The following ADRA1A variants were observed in gnomAD, a reference collection of about 807,000 sequenced individuals.
ADRA1A encodes the protein adrenoceptor alpha 1A.
In ADRA1A, 31 loss-of-function variants were observed where a neutral mutation model predicts 29.6. The ratio of observed to expected loss-of-function variants is 1.05; its 90% CI spans 0.79 to 1.41. ADRA1A has a LOEUF of 1.41. ADRA1A is among the 40% of genes most tolerant of loss of function. The probability of loss-of-function intolerance (pLI) is 0.00; values close to 1 mark genes in which losing one functional copy is unlikely to be tolerated. For missense variants in ADRA1A, 619 were observed against 601.1 expected (o/e 1.03, Z -0.31); for synonymous variants, 311 against 254.3 (o/e 1.22, Z -2.12).
intron 2 of ADRA1A, among the ~76,000 whole-genome samples, chr8:26,786,238 A>T (rs1011472985): frequency 9.0e-6 from 1 of 111,622 alleles, no homozygotes; most frequent in Non-Finnish European, 1.6e-5. Flanking sequence ...TTTTATTTTT[A>T]AATTTTTTTT....
intron 2 of ADRA1A, chr8:26,854,031 T>C (rs1812820857): frequency 6.6e-6 from 1 of 152,194 alleles, no homozygotes; most frequent in Admixed American, 6.5e-5. Context: ...TCTCTCTCTC[T>C]GCTGTCCACT....
At chr8:26,799,467 T>C (rs1275225882) in intron 2 of ADRA1A, among the ~76,000 whole-genome samples, 2 of 152,216 alleles carry the variant, frequency 1.3e-5, no homozygotes, top group African/African-American at 2.4e-5. Context: ...TCAGTTAAAC[T>C]ACAGCCAAAT....
At chr8:26,774,551 T>C (rs2130307972) in intron 2 of ADRA1A, among the ~76,000 whole-genome samples, 1 of 152,038 alleles carries the variant, frequency 6.6e-6, no homozygotes, top group Admixed American at 6.6e-5. Context: ...TGCCTGTAGT[T>C]CCAGTTACTC....
At chr8:26,790,344 A>G (rs1390729627) in intron 2 of ADRA1A, among the ~76,000 whole-genome samples, 4 of 152,304 alleles carry the variant, frequency 2.6e-5, no homozygotes, top group Non-Finnish European at 5.9e-5. Context: ...GTTAGGTGAA[A>G]TAAGCCAGGA....
Position 26,864,246 on chromosome 8 carries a change from G to C in ADRA1A, c.724C>G (p.Pro242Ala), listed in dbSNP as rs1368688997. 1.2e-6 allele frequency: 2 copies of C among 1,614,182 alleles called. No homozygotes were observed. Among genetic ancestry groups the C allele is most frequent in the African/African-American group, 1.3e-5 (1 of 75,054 alleles). The stretch of plus-strand genomic sequence containing the variant: ...CTGGCCATCCCGCTGCCTCCTGCCG[G>C]GGCGTTTTTCCGATGGATGCGGAGC... ...VTLRIHRKNA[P>A]AGGSGMASAK... The change falls in exon 2 of 3, where the codon CCG becomes GCG. Residue 242 changes from proline (P) to alanine (A), a missense_variant. Coordinates refer to ENST00000380573, the MANE Select transcript of ADRA1A (RefSeq NM_000680.4). The surrounding 1 kb of genome is among the most constrained non-coding windows in gnomAD (Gnocchi z 8.1).
chr8:26,812,249 T>C (rs2130544939), intron 2 of ADRA1A, among the ~76,000 whole-genome samples: 1 of 152,308 alleles, frequency 6.6e-6, no homozygotes, highest in East Asian at 1.9e-4. Context: ...GCTCCCACTC[T>C]TAGCAGTGGC....
rs757196717 is a variant in ADRA1A at position 26,770,273 on chromosome 8, C to G, written c.1277G>C (p.Ser426Thr). ...GCAGCAGACCTGCAAAAAGCTTTTACTTCTCACCCGGGCTGTGGTACAGGA... is the reference window on the plus strand; with the variant it reads ...GCAGCAGACCTGCAAAAAGCTTTTAGTTCTCACCCGGGCTGTGGTACAGGA... ...QSSCTTARVR[S>T]KSFLQVCCCV... is the part of the protein sequence containing the mutation. Residue 426 changes from serine (S) to threonine (T), a missense_variant, in exon 3 of 3, where the codon AGT (serine) becomes ACT (threonine). Physicochemically the swap from Ser to Thr is moderately conservative, Grantham distance 58. Coordinates refer to ENST00000380573, the MANE Select transcript of ADRA1A (RefSeq NM_000680.4). 4 of 1,614,072 alleles carry G rather than the reference C, an allele frequency of 2.5e-6. No homozygotes were observed. In the African/African-American group the frequency reaches 4.0e-5, roughly 16 times the overall value.
intron 2 of ADRA1A, among the ~76,000 whole-genome samples, chr8:26,856,875 A>G (rs1045648601): frequency 1.3e-5 from 2 of 152,218 alleles, no homozygotes; most frequent in Non-Finnish European, 2.9e-5. Context: ...TACTCAGTGC[A>G]TTGCATGAAG....
chr8:26,812,730 T>A (rs895339086), intron 2 of ADRA1A, among the ~76,000 whole-genome samples: 7 of 151,886 alleles, frequency 4.6e-5, no homozygotes, highest in South Asian at 2.1e-4. Flanking sequence ...AGTGGCGCGG[T>A]CTCGGCTCAC....
At chr8:26,759,675 C>A (rs1438209883) in intron 2 of ADRA1A, among the ~76,000 whole-genome samples, 1 of 152,220 alleles carries the variant, frequency 6.6e-6, no homozygotes. Context: ...ATTAATGGGC[C>A]ACAGCCCTCC....
chr8:26,765,863 A>G, downstream of ADRA1A: 1 of 1,411,986 alleles, frequency 7.1e-7, no homozygotes. Flanking sequence ...CAGAGTGAAA[A>G]ATTGCCTGCC....
chr8:26,750,737 T>C (rs1277880495), intron 2 of ADRA1A, among the ~76,000 whole-genome samples: 17 of 152,240 alleles, frequency 1.1e-4, no homozygotes, highest in Non-Finnish European at 2.9e-5. Context: ...AGAGATGCTT[T>C]AATTTTGGCA....
At chr8:26,802,260 A>C (rs1808638787) in intron 2 of ADRA1A, among the ~76,000 whole-genome samples, 1 of 152,230 alleles carries the variant, frequency 6.6e-6, no homozygotes, top group South Asian at 2.1e-4. Flanking sequence ...TTGCACAGCA[A>C]AGGAAACAAT....
chr8:26,772,565 TA>T (rs1806251969), intron 2 of ADRA1A, among the ~76,000 whole-genome samples: 1 of 152,232 alleles, frequency 6.6e-6, no homozygotes, highest in Admixed American at 6.5e-5. Flanking sequence ...GGATGATTCC[TA>T]ATGGCCCTGA....
chr8:26,828,858 T>G (rs1358486608), intron 2 of ADRA1A, among the ~76,000 whole-genome samples: 1 of 152,180 alleles, frequency 6.6e-6, no homozygotes, highest in Non-Finnish European at 1.5e-5. Context: ...GCAGGAATTC[T>G]GGGTAAGAGC....
Position 26,865,110 on chromosome 8 carries a change from C to T in ADRA1A, c.-141G>A, listed in dbSNP as rs999225823. The stretch of plus-strand genomic sequence containing the variant: ...AGGTGGGTTTGGCTGGGGGTGAGAG[C>T]GCGCGCGCGGGTGGGAAACAACCCT... On this transcript the variant is annotated 5_prime_UTR_variant, in exon 2 of 3. Transcript: ENST00000380573. This position sits in a 1 kb window ranked among gnomAD's most constrained non-coding sequence, Gnocchi z 7.6. 2.1e-5 allele frequency: 31 copies of T among 1,470,476 alleles called. No homozygotes were observed. The highest frequency in any genetic ancestry group is 2.5e-4 in the Middle Eastern group (1 of 3,996). The allele number at this position is 1,470,476 out of a possible 1,614,324, so 91.1% of individuals were successfully genotyped here.
chr8:26,781,992 G>T (rs61760549), intron 2 of ADRA1A, among the ~76,000 whole-genome samples: 8 of 152,258 alleles, frequency 5.3e-5, no homozygotes, highest in Admixed American at 6.5e-5. Flanking sequence ...CTGCTGCAAA[G>T]ATGCTTAATC....
At chr8:26,811,939 A>C (rs559592879) in intron 2 of ADRA1A, among the ~76,000 whole-genome samples, 4 of 152,338 alleles carry the variant, frequency 2.6e-5, no homozygotes, top group Non-Finnish European at 5.9e-5. Flanking sequence ...GTAGGAATAT[A>C]ACACAATTTA....
intron 2 of ADRA1A, among the ~76,000 whole-genome samples, chr8:26,749,401 G>T (rs893071598): frequency 2.0e-5 from 3 of 152,194 alleles, no homozygotes; most frequent in Non-Finnish European, 4.4e-5. Flanking sequence ...TGTTCATAGA[G>T]CATTTCTGGA....
Sources: gnomAD v4.1 joint callset for allele counts (sites outside exome capture counted in the v4.1 genomes callset) on GRCh38, gnomAD v4.1.1 for gene constraint, Gnocchi (gnomAD v3.1) non-coding constraint, MANE v1.5 for transcripts, NCBI Gene and HGNC (gene_info 2026-07-23, HGNC 2026-07-21) for gene names.